The following CRTAC1 variants were observed in gnomAD, a reference collection of about 807,000 sequenced individuals.
The protein encoded by CRTAC1 is cartilage acidic protein 1, also known as acidic secreted protein in cartilage.
A neutral mutation model predicts 67.8 loss-of-function variants in CRTAC1; 37 were observed. The observed-to-expected ratio is 0.55, with a 90% CI of 0.42 to 0.72. The LOEUF (loss-of-function observed/expected upper bound fraction) is 0.72. Among genes scored for constraint, CRTAC1 ranks in the 30% least tolerant of loss-of-function variants. The pLI is 0.00. For synonymous variants in CRTAC1, 348 were observed against 371.0 expected, an observed-to-expected ratio of 0.94 and a Z score of 0.71; for missense variants, 780 against 931.6, an observed-to-expected ratio of 0.84 and a Z score of 2.12.
At chr10:97,968,524 C>T (rs2136650247) in intron 2 of CRTAC1, among the ~76,000 whole-genome samples, 1 of 152,286 alleles carries the variant, frequency 6.6e-6, no homozygotes, top group South Asian at 2.1e-4. Context: ...AGGTGTGAGC[C>T]ACCACGCCCA....
At position 97,938,743 on chromosome 10, in the gene CRTAC1, T is replaced by G. The variant is rs185181376; in HGVS notation, c.225-2377A>C. On this transcript the variant is annotated intron_variant, in intron 2 of 14. Coordinates refer to ENST00000370597, the MANE Select transcript of CRTAC1 (RefSeq NM_018058.7). ...ACTTTACAAAGCACTTTCTCATCCTTGGGCTCATTTGCCAGAGATGAGGTT... is the reference window on the plus strand; with the variant it reads ...ACTTTACAAAGCACTTTCTCATCCTGGGGCTCATTTGCCAGAGATGAGGTT... 3.8e-3 allele frequency among the ~76,000 whole-genome samples: 572 copies of G among 152,352 alleles called. 2 individuals carry two copies. Among genetic ancestry groups the G allele is most frequent in the Non-Finnish European group, 6.6e-3 (449 of 68,032 alleles).
At chr10:97,902,572 TAGA>T (rs1411450485) in intron 7 of CRTAC1, among the ~76,000 whole-genome samples, 1 of 152,106 alleles carries the variant, frequency 6.6e-6, no homozygotes, top group Admixed American at 6.5e-5. Flanking sequence ...GCCTCTGAAA[TAGA>T]AGGAGAGCTG....
intron 13 of CRTAC1, 34 bp from the exon 14 acceptor site, chr10:97,880,426 T>C: frequency 6.2e-7 from 1 of 1,603,186 alleles, no homozygotes; most frequent in African/African-American, 1.3e-5. Flanking sequence ...ACCATGAAGG[T>C]GTGGGGCAGC....
intron 3 of CRTAC1, among the ~76,000 whole-genome samples, chr10:97,931,695 T>C (rs1301574868): frequency 6.6e-6 from 1 of 152,252 alleles, no homozygotes; most frequent in Non-Finnish European, 1.5e-5. Flanking sequence ...TGCATGAAAG[T>C]ACGGTAGTGG....
intron 2 of CRTAC1, among the ~76,000 whole-genome samples, chr10:97,993,647 T>C (rs996722768): frequency 2.0e-5 from 3 of 152,168 alleles, no homozygotes; most frequent in Non-Finnish European, 4.4e-5. Flanking sequence ...TCACTCTGAG[T>C]ATAGCTAATG....
At chr10:97,891,324 TG>T (rs2050369707) in intron 11 of CRTAC1, among the ~76,000 whole-genome samples, 1 of 152,268 alleles carries the variant, frequency 6.6e-6, no homozygotes, top group African/African-American at 2.4e-5. Flanking sequence ...TCCCGTTCTT[TG>T]GACTGGACCT....
intron 1 of CRTAC1, among the ~76,000 whole-genome samples, chr10:98,021,856 A>T (rs1413628887): frequency 2.0e-5 from 3 of 152,204 alleles, no homozygotes; most frequent in South Asian, 4.1e-4. Context: ...GGGGACCCTG[A>T]TGGAGTTCTT....
intron 2 of CRTAC1, among the ~76,000 whole-genome samples, chr10:97,998,813 C>T (rs573134686): frequency 5.3e-4 from 81 of 152,256 alleles, no homozygotes; most frequent in African/African-American, 1.9e-3. Context: ...GACTAAAATA[C>T]TATGCAAATG....
Position 97,880,364 on chromosome 10 carries a change from G to T in CRTAC1, c.1704C>A (p.Phe568Leu). ...MDTNECIQFPFVCPRDKPVCV... is the reference protein window; with the variant it reads ...MDTNECIQFPLVCPRDKPVCV... ...ATACGGGCTTGTCTCGAGGGCACAC[G>T]AATGGGAACTGGATGCATTCATTGG... Residue 568 changes from phenylalanine (F) to leucine (L), a missense_variant, in exon 14 of 15, where the codon TTC (phenylalanine) becomes TTA (leucine). Coordinates refer to ENST00000370597, the MANE Select transcript of CRTAC1 (RefSeq NM_018058.7). The T allele has an allele frequency of 6.2e-7, 1 of 1,614,120 alleles. No homozygotes were observed. Among genetic ancestry groups the T allele is most frequent in the Non-Finnish European group, 8.5e-7 (1 of 1,179,964 alleles).
intron 2 of CRTAC1, among the ~76,000 whole-genome samples, chr10:97,970,780 C>T (rs191685647): frequency 1.4e-3 from 214 of 152,330 alleles, no homozygotes; most frequent in Non-Finnish European, 2.5e-3. Flanking sequence ...TGATGGTTTG[C>T]AGCAGTCTCT....
At chr10:97,939,688 G>T (rs1051681487) in intron 2 of CRTAC1, among the ~76,000 whole-genome samples, 1 of 152,024 alleles carries the variant, frequency 6.6e-6, no homozygotes, top group African/African-American at 2.4e-5. Context: ...TGAGGCTGAC[G>T]TTCCTGTTTG....
rs77407322 is a variant in CRTAC1 at position 97,964,382 on chromosome 10, G to A, written c.225-28016C>T. On this transcript the variant is annotated intron_variant, in intron 2 of 14. Coordinates refer to ENST00000370597, the MANE Select transcript of CRTAC1 (RefSeq NM_018058.7). The stretch of plus-strand genomic sequence containing the variant: ...TGCAGTGTGAGTTTGTCTTATTCAC[G>A]TGGGTTCCCTGCAGCAATGCAGAGG... 4.3e-3 allele frequency among the ~76,000 whole-genome samples: 660 copies of A among 152,324 alleles called. 5 individuals are homozygous for A. Among genetic ancestry groups the A allele is most frequent in the African/African-American group, 0.015 (620 of 41,566 alleles).
intron 12 of CRTAC1, among the ~76,000 whole-genome samples, chr10:97,883,343 A>G (rs1319349513): frequency 6.6e-6 from 1 of 152,226 alleles, no homozygotes; most frequent in African/African-American, 2.4e-5. Context: ...ATTTGAACAA[A>G]TTGACTCAGA....
At chr10:97,933,747 A>G (rs1018238327) in intron 3 of CRTAC1, among the ~76,000 whole-genome samples, 5 of 152,226 alleles carry the variant, frequency 3.3e-5, no homozygotes, top group Admixed American at 6.5e-5. Context: ...TGTCCAATGG[A>G]TGAATGCATT....
At chr10:97,877,519 A>G (rs1342886514) in intron 14 of CRTAC1, among the ~76,000 whole-genome samples, 1 of 152,236 alleles carries the variant, frequency 6.6e-6, no homozygotes, top group African/African-American at 2.4e-5. Flanking sequence ...GTACCTGCAC[A>G]TAGTAGTAGG....
chr10:97,901,092 C>T, intron 8 of CRTAC1, among the ~76,000 whole-genome samples: 2 of 136,670 alleles, frequency 1.5e-5, no homozygotes, highest in East Asian at 2.3e-4. Flanking sequence ...CCCCGTAGCC[C>T]CTTTTCCTGG....
intron 2 of CRTAC1, among the ~76,000 whole-genome samples, chr10:97,985,495 T>G (rs531908630): frequency 6.6e-6 from 1 of 152,234 alleles, no homozygotes; most frequent in African/African-American, 2.4e-5. Flanking sequence ...GTTCTTCTCC[T>G]TGTCCTAATG....
At chr10:97,900,137 G>A (rs1224291711) in intron 8 of CRTAC1, among the ~76,000 whole-genome samples, 2 of 152,182 alleles carry the variant, frequency 1.3e-5, no homozygotes, top group Non-Finnish European at 2.9e-5. Flanking sequence ...GTCTCTGGAC[G>A]TCCCCTTGGA....
chr10:97,885,656 G>A (rs1162946326), intron 11 of CRTAC1, among the ~76,000 whole-genome samples: 3 of 152,080 alleles, frequency 2.0e-5, no homozygotes, highest in African/African-American at 4.8e-5. Flanking sequence ...GGGAGGAGGC[G>A]GGGGCTGGGC....
Sources: allele counts gnomAD v4.1 joint callset (sites outside exome capture counted in the v4.1 genomes callset), GRCh38; gene constraint gnomAD v4.1.1; transcripts MANE v1.5; gene names NCBI Gene and HGNC (gene_info 2026-07-23, HGNC 2026-07-21).